Variants in MAP4K4 observed in about 807,000 individuals in gnomAD.
MAP4K4 encodes the protein HPK/GCK-like kinase HGK.
Under a neutral mutation model 189.6 loss-of-function variants are expected in MAP4K4, and 38 were observed. That is an observed-to-expected ratio of 0.20 (90% CI 0.15 to 0.26). The LOEUF (loss-of-function observed/expected upper bound fraction) is 0.26, where lower values mean the gene tolerates loss of function less well. Ranked by LOEUF, MAP4K4 falls within the 10% of genes least tolerant of loss-of-function variation. The pLI, the probability that MAP4K4 is intolerant of heterozygous loss-of-function variation, is 1.00. For synonymous variants in MAP4K4, 610 were observed against 624.3 expected (o/e 0.98, Z 0.34); for missense variants, 1,054 against 1,726.9 (o/e 0.61, Z 6.91).
intron 3 of MAP4K4, among the ~76,000 whole-genome samples, chr2:101,802,610 T>C (rs1228862371): frequency 1.3e-5 from 2 of 152,178 alleles, no homozygotes; most frequent in East Asian, 3.9e-4. Flanking sequence ...TCCCACACTT[T>C]CTTCATGCCT....
At chr2:101,868,125 C>T in intron 21 of MAP4K4, 88 bp downstream of exon 21, 1 of 1,386,960 alleles carries the variant, frequency 7.2e-7, no homozygotes, top group South Asian at 1.2e-5. Flanking sequence ...GGTCCTGCTC[C>T]TTCCTCAACT....
intron 2 of MAP4K4, among the ~76,000 whole-genome samples, chr2:101,713,715 C>T (rs1045956607): frequency 2.2e-5 from 3 of 134,752 alleles, no homozygotes; most frequent in Non-Finnish European, 3.3e-5. Flanking sequence ...ACCAGCATGG[C>T]GAAACCCCGT....
chr2:101,707,189 A>ACTCCAT (rs1390379834), intron 2 of MAP4K4, among the ~76,000 whole-genome samples: 5 of 140,328 alleles, frequency 3.6e-5, no homozygotes, highest in Admixed American at 7.1e-5. Context: ...CTTAGTTACT[A>ACTCCAT]CTCCATCCAC....
intron 2 of MAP4K4, among the ~76,000 whole-genome samples, chr2:101,702,725 G>T (rs1417329716): frequency 1.3e-5 from 2 of 152,180 alleles, no homozygotes; most frequent in African/African-American, 4.8e-5. Flanking sequence ...TCAAAGGAGG[G>T]ACCATAGATT....
intron 2 of MAP4K4, among the ~76,000 whole-genome samples, chr2:101,757,168 C>G (rs148069928): frequency 1.3e-5 from 2 of 152,166 alleles, no homozygotes; most frequent in East Asian, 3.9e-4. Flanking sequence ...AGCCTTGGGA[C>G]TTTGTTTTAT....
intron 15 of MAP4K4, chr2:101,860,094 C>T (rs1033259528): frequency 3.5e-6 from 2 of 576,664 alleles, no homozygotes; most frequent in Non-Finnish European, 3.1e-6. Context: ...GTTAACATAT[C>T]CCAGAAGAAC....
chr2:101,733,445 A>G (rs2059286994), intron 2 of MAP4K4, among the ~76,000 whole-genome samples: 1 of 152,196 alleles, frequency 6.6e-6, no homozygotes, highest in Admixed American at 6.5e-5. Context: ...CAAGTCTAGA[A>G]TTAGAACTTG....
intron 3 of MAP4K4, among the ~76,000 whole-genome samples, chr2:101,812,171 C>T (rs2095469687): frequency 6.6e-6 from 1 of 152,118 alleles, no homozygotes; most frequent in Non-Finnish European, 1.5e-5. Context: ...CTGACAACTC[C>T]GTTCTTTTTC....
rs547130880 is a variant in MAP4K4, at chr2:101,725,387, CA to C, written c.123+26862del. On this transcript the variant is annotated intron_variant, in intron 2 of 32. Coordinates refer to ENST00000324219, the Ensembl canonical transcript of MAP4K4. ...GAACTTTTCCAGACTAAAAGATAAG[CA>C]AAAAAAAAAAAACAAAAACAAAAAA... Among the ~76,000 whole-genome samples, 239 of 110,950 alleles carry C rather than the reference CA, an allele frequency of 2.2e-3. 2 individuals are homozygous for C. Among genetic ancestry groups the C allele is most frequent in the African/African-American group, 6.5e-3 (194 of 30,070 alleles). 72.8% of individuals were successfully genotyped at this position (110,950 alleles called of 152,430 possible).
At chr2:101,879,308 G>A (rs1254770631) in intron 27 of MAP4K4, among the ~76,000 whole-genome samples, 2 of 141,178 alleles carry the variant, frequency 1.4e-5, no homozygotes, top group East Asian at 4.0e-4. Flanking sequence ...AACTTTCAGT[G>A]GTTTTCACAA....
intron 5 of MAP4K4, among the ~76,000 whole-genome samples, chr2:101,828,146 A>G (rs2096444336): frequency 6.6e-6 from 1 of 152,266 alleles, no homozygotes; most frequent in African/African-American, 2.4e-5. Context: ...ATTGTTCCAT[A>G]CATTTACTGC....
At chr2:101,815,887 C>T (rs2149227917) in intron 3 of MAP4K4, among the ~76,000 whole-genome samples, 2 of 152,248 alleles carry the variant, frequency 1.3e-5, no homozygotes, top group Middle Eastern at 6.8e-3. Context: ...GGCTCTTTCC[C>T]TTACCTCAGG....
intron 2 of MAP4K4, among the ~76,000 whole-genome samples, chr2:101,755,096 A>G (rs1414612037): frequency 1.3e-5 from 2 of 152,182 alleles, no homozygotes; most frequent in East Asian, 1.9e-4. Flanking sequence ...TTTGTTTGCT[A>G]GATTTGGTAA....
chr2:101,831,935 C>G, intron 7 of MAP4K4, 84 bp downstream of exon 7: 4 of 1,468,004 alleles, frequency 2.7e-6, no homozygotes, highest in Non-Finnish European at 3.7e-6. Flanking sequence ...TTGCACACCC[C>G]TTGTCTGCCT....
At chr2:101,784,596 C>T (rs544634302) in intron 2 of MAP4K4, among the ~76,000 whole-genome samples, 19 of 152,268 alleles carry the variant, frequency 1.2e-4, no homozygotes, top group African/African-American at 3.9e-4. Flanking sequence ...AAGCCATGGA[C>T]CACAGTGGCT....
chr2:101,787,137 C>A (rs898027164), intron 2 of MAP4K4, among the ~76,000 whole-genome samples: 6 of 152,164 alleles, frequency 3.9e-5, no homozygotes, highest in African/African-American at 1.4e-4. Context: ...ATATTAAGTT[C>A]AGAATCTCTC....
chr2:101,720,971 T>C (rs989750228), intron 2 of MAP4K4, among the ~76,000 whole-genome samples: 1 of 152,232 alleles, frequency 6.6e-6, no homozygotes, highest in Non-Finnish European at 1.5e-5. Context: ...AAAACCACAT[T>C]TAAAATTTTG....
At chr2:101,787,320 C>G (rs954004865) in intron 2 of MAP4K4, among the ~76,000 whole-genome samples, 2 of 152,250 alleles carry the variant, frequency 1.3e-5, no homozygotes, top group Non-Finnish European at 2.9e-5. Flanking sequence ...TAATAGATGT[C>G]TACCCCCAAA....
chr2:101,869,735 C>T (rs760805317), exon 22 of MAP4K4: 17 of 1,594,066 alleles, frequency 1.1e-5, no homozygotes, highest in African/African-American at 5.4e-5. Flanking sequence ...ATGAGGAGGA[C>T]GACGATGTGG....
Sources: allele counts gnomAD v4.1 joint callset (sites outside exome capture counted in the v4.1 genomes callset), GRCh38; gene constraint gnomAD v4.1.1; transcripts MANE v1.5; gene names NCBI Gene and HGNC (gene_info 2026-07-23, HGNC 2026-07-21).